SNX7: variants seen among roughly 807,000 people sequenced by gnomAD.
SNX7 encodes sorting nexin-7.
Under a neutral mutation model 48.4 loss-of-function variants are expected in SNX7, and 35 were observed. The ratio of observed to expected loss-of-function variants is 0.72; its 90% confidence interval spans 0.55 to 0.96. SNX7 has a LOEUF of 0.96. Among genes scored for constraint, SNX7 ranks in the 40% least tolerant of loss-of-function variants. The pLI is 0.00. For missense variants in SNX7, 553 were observed against 548.9 expected (o/e 1.01, Z -0.07); for synonymous variants, 190 against 190.2 (o/e 1.00, Z 0.01).
chr1:98,662,593 A>G, intron 1 of SNX7: 1 of 1,026,982 alleles, frequency 9.7e-7, no homozygotes, highest in Non-Finnish European at 1.3e-6. Context: ...TTACTGTTGG[A>G]GGGAAATTGA....
At chr1:98,709,650 T>G (rs2100988067) in intron 7 of SNX7, among the ~76,000 whole-genome samples, 1 of 152,126 alleles carries the variant, frequency 6.6e-6, no homozygotes, top group South Asian at 2.1e-4. Context: ...AGCAATATGG[T>G]TTCATTTCTC....
At chr1:98,672,483 G>A (rs1164743996) in intron 1 of SNX7, among the ~76,000 whole-genome samples, 1 of 149,812 alleles carries the variant, frequency 6.7e-6, no homozygotes, top group Non-Finnish European at 1.5e-5. Flanking sequence ...AAAGAAGAGG[G>A]ATCATTAGGA....
intron 7 of SNX7, among the ~76,000 whole-genome samples, chr1:98,722,562 T>A (rs959209285): frequency 3.9e-5 from 6 of 152,094 alleles, no homozygotes; most frequent in Non-Finnish European, 7.4e-5. Context: ...TCAAGAACTT[T>A]TCAAAATGAT....
chr1:98,700,959 T>A (rs1224078303), intron 6 of SNX7, among the ~76,000 whole-genome samples: 1 of 152,170 alleles, frequency 6.6e-6, no homozygotes, highest in East Asian at 1.9e-4. Flanking sequence ...TATTTTTTCC[T>A]TAACCTGTTC....
At chr1:98,686,640 G>C (rs964545162) in intron 2 of SNX7, among the ~76,000 whole-genome samples, 3 of 152,132 alleles carry the variant, frequency 2.0e-5, no homozygotes, top group African/African-American at 7.2e-5. Context: ...GGTAGAGCAA[G>C]ACAACATGGA....
chr1:98,754,721 A>C (rs1030481031), intron 8 of SNX7, among the ~76,000 whole-genome samples: 3 of 151,986 alleles, frequency 2.0e-5, no homozygotes, highest in African/African-American at 7.2e-5. Flanking sequence ...AACATGGCTA[A>C]AAAGTTTAAT....
intron 7 of SNX7, among the ~76,000 whole-genome samples, chr1:98,717,595 G>A (rs1193765952): frequency 6.6e-6 from 1 of 152,112 alleles, no homozygotes; most frequent in Non-Finnish European, 1.5e-5. Context: ...GAATTTGCAC[G>A]TGATAAATTC....
chr1:98,705,976 A>G (rs1651984562), intron 7 of SNX7, among the ~76,000 whole-genome samples: 1 of 152,178 alleles, frequency 6.6e-6, no homozygotes, highest in South Asian at 2.1e-4. Flanking sequence ...AGCAGGGCAG[A>G]TCGTGGCTCT....
At chr1:98,678,990 A>G (rs1650327172) in intron 1 of SNX7, among the ~76,000 whole-genome samples, 1 of 152,164 alleles carries the variant, frequency 6.6e-6, no homozygotes, top group Admixed American at 6.5e-5. Context: ...AGTGGCTCAC[A>G]CCTGCAATTC....
Position 98,719,377 on chromosome 1 carries a change from T to C in SNX7, c.1125+17474T>C, listed in dbSNP as rs530675681. 2.6e-5 allele frequency among the ~76,000 whole-genome samples: 4 copies of C among 152,258 alleles called. No individual in the cohort carries two copies. In the East Asian group the frequency reaches 7.7e-4, roughly 29 times the overall value. ...CCCGCAGTCTTGTTAAGGGGAGATA[T>C]CAAACCGTTGAATTGTTGCCTCCTC... On this transcript the variant is annotated intron_variant, in intron 7 of 8. Transcript: ENST00000306121.
At chr1:98,739,376 A>G (rs1050071970) in intron 8 of SNX7, among the ~76,000 whole-genome samples, 3 of 152,228 alleles carry the variant, frequency 2.0e-5, no homozygotes, top group African/African-American at 7.2e-5. Flanking sequence ...TTATCCGTTT[A>G]AAAGAACTTT....
chr1:98,716,438 T>C (rs1652595425), intron 7 of SNX7, among the ~76,000 whole-genome samples: 2 of 152,194 alleles, frequency 1.3e-5, no homozygotes, highest in African/African-American at 4.8e-5. Context: ...CTACCTGCAG[T>C]GATTAACCTT....
intron 8 of SNX7, among the ~76,000 whole-genome samples, chr1:98,742,763 T>C (rs1462791908): frequency 1.3e-5 from 2 of 151,944 alleles, no homozygotes; most frequent in Non-Finnish European, 2.9e-5. Context: ...TTATAGAAAA[T>C]AATTTGCTAT....
At chr1:98,708,693 C>T (rs1197690232) in intron 7 of SNX7, among the ~76,000 whole-genome samples, 2 of 152,144 alleles carry the variant, frequency 1.3e-5, no homozygotes, top group African/African-American at 4.8e-5. Context: ...CCTAGAATTC[C>T]TCTCCCTTTC....
At chr1:98,699,583 G>A (rs1047392783) in intron 6 of SNX7, among the ~76,000 whole-genome samples, 2 of 152,106 alleles carry the variant, frequency 1.3e-5, no homozygotes, top group African/African-American at 4.8e-5. Flanking sequence ...GGGTGGTGAT[G>A]GGGACAGGAG....
chr1:98,710,736 G>A (rs911478219), intron 7 of SNX7, among the ~76,000 whole-genome samples: 2 of 152,128 alleles, frequency 1.3e-5, no homozygotes, highest in African/African-American at 2.4e-5. Context: ...CCCTGCCTGG[G>A]CACTTAATAA....
Position 98,698,713 on chromosome 1 carries a change from T to G in SNX7, c.846T>G (p.Phe282Leu). The change falls in exon 6 of 9, where the codon TTT becomes TTG. Residue 282 changes from phenylalanine (F) to leucine (L), a missense_variant. By Grantham distance (22) the Phe-to-Leu change is conservative. Transcript: ENST00000306121. ...QRIYKEEREYFDEMKEYGPIH... is the reference protein window; with the variant it reads ...QRIYKEEREYLDEMKEYGPIH... ...GTCTTTTTTTTTTTTTAGAATATTT[T>G]GATGAAATGAAAGAATATGGCCCAA... 1 of 1,608,276 alleles carries G rather than the reference T, an allele frequency of 6.2e-7. No individual in the cohort carries two copies. The highest frequency in any genetic ancestry group is 1.1e-5 in the South Asian group (1 of 89,482).
intron 1 of SNX7, among the ~76,000 whole-genome samples, chr1:98,683,668 A>G (rs1337961773): frequency 6.6e-6 from 1 of 152,102 alleles, no homozygotes; most frequent in Non-Finnish European, 1.5e-5. Context: ...TGGACTTCCT[A>G]GTTTAGAACT....
intron 7 of SNX7, among the ~76,000 whole-genome samples, chr1:98,728,001 G>C (rs1653280246): frequency 6.6e-6 from 1 of 152,112 alleles, no homozygotes; most frequent in Admixed American, 6.6e-5. Context: ...AACCTAGCAG[G>C]ACTGGCCAAC....
Sources: gnomAD v4.1 joint callset for allele counts (sites outside exome capture counted in the v4.1 genomes callset) on GRCh38, gnomAD v4.1.1 for gene constraint, MANE v1.5 for transcripts, NCBI Gene and HGNC (gene_info 2026-07-23, HGNC 2026-07-21) for gene names.